Variants in MAGI1 observed in about 807,000 individuals in gnomAD.
MAGI1 encodes the protein membrane associated guanylate kinase, WW and PDZ domain containing 1.
Under a neutral mutation model 139.9 loss-of-function variants are expected in MAGI1, and 58 were observed. That is an observed-to-expected ratio of 0.41 (90% CI 0.34 to 0.52). MAGI1 has a LOEUF of 0.52. MAGI1 is among the 20% of genes least tolerant of loss of function. The pLI, the probability that MAGI1 is intolerant of heterozygous loss-of-function variation, is 0.12. For missense variants in MAGI1, 1,874 were observed against 1,901.6 expected (o/e 0.99, Z 0.27); for synonymous variants, 812 against 737.9 (o/e 1.10, Z -1.63).
intron 1 of MAGI1, among the ~76,000 whole-genome samples, chr3:65,834,374 A>G (rs1393904133): frequency 6.6e-6 from 1 of 152,364 alleles, no homozygotes; most frequent in Admixed American, 6.5e-5. Context: ...GAAATAGCTC[A>G]GGAAGTCCAA....
chr3:65,372,637 A>G (rs902616880), intron 18 of MAGI1, among the ~76,000 whole-genome samples: 25 of 152,232 alleles, frequency 1.6e-4, no homozygotes, highest in African/African-American at 5.3e-4. Context: ...TTCTTTCAAT[A>G]GAAGACTGTT....
intron 2 of MAGI1, among the ~76,000 whole-genome samples, chr3:65,538,248 T>C (rs1534087): frequency 0.38 from 58,082 of 152,116 alleles, 11,860 homozygotes; most frequent in East Asian, 0.69. Flanking sequence ...GAAGACAGCA[T>C]TATTGGGAAC....
chr3:65,651,526 T>G (rs1486357652), intron 1 of MAGI1, among the ~76,000 whole-genome samples: 1 of 152,122 alleles, frequency 6.6e-6, no homozygotes, highest in African/African-American at 2.4e-5. Context: ...TCCCTGTATA[T>G]TGCGGCATGT....
At chr3:65,384,710 G>C (rs1943308502) in intron 14 of MAGI1, among the ~76,000 whole-genome samples, 1 of 152,104 alleles carries the variant, frequency 6.6e-6, no homozygotes, top group Non-Finnish European at 1.5e-5. Context: ...TCCAGCCTGG[G>C]TGACAGAGTA....
intron 10 of MAGI1, among the ~76,000 whole-genome samples, chr3:65,433,138 T>C (rs1355483803): frequency 1.3e-5 from 2 of 152,188 alleles, no homozygotes; most frequent in East Asian, 3.9e-4. Flanking sequence ...GAATATTGTC[T>C]GGTACATTTT....
At chr3:65,894,668 C>G (rs2060899777) in intron 1 of MAGI1, among the ~76,000 whole-genome samples, 1 of 152,340 alleles carries the variant, frequency 6.6e-6, no homozygotes, top group South Asian at 2.1e-4. Flanking sequence ...CCACCTAGGA[C>G]AGTGGTGCAA....
intron 1 of MAGI1, among the ~76,000 whole-genome samples, chr3:65,738,411 A>C (rs2107768689): frequency 6.6e-6 from 1 of 152,278 alleles, no homozygotes. Flanking sequence ...TCCTGGCCTC[A>C]AGTGATCCTC....
intron 1 of MAGI1, among the ~76,000 whole-genome samples, chr3:65,848,185 G>T (rs1218715210): frequency 6.6e-6 from 1 of 152,200 alleles, no homozygotes; most frequent in Non-Finnish European, 1.5e-5. Context: ...TCTCTGTTTG[G>T]TTTACTGGAA....
chr3:65,806,579 T>G (rs2040868767), intron 1 of MAGI1, among the ~76,000 whole-genome samples: 1 of 152,242 alleles, frequency 6.6e-6, no homozygotes, highest in South Asian at 2.1e-4. Context: ...ATAACTGCGT[T>G]GGAATCTCGG....
At chr3:66,027,735 T>C (rs1006222328) in intron 1 of MAGI1, among the ~76,000 whole-genome samples, 1 of 152,210 alleles carries the variant, frequency 6.6e-6, no homozygotes, top group African/African-American at 2.4e-5. Context: ...GTATCAAGCA[T>C]GGAGTCATGC....
At chr3:65,982,299 C>G (rs1456487560) in intron 1 of MAGI1, among the ~76,000 whole-genome samples, 4 of 152,216 alleles carry the variant, frequency 2.6e-5, no homozygotes, top group Non-Finnish European at 5.9e-5. Context: ...CTCTGCTTAT[C>G]TCTTGGCCGA....
At chr3:65,934,558 T>C (rs2062957092) in intron 1 of MAGI1, among the ~76,000 whole-genome samples, 1 of 152,178 alleles carries the variant, frequency 6.6e-6, no homozygotes, top group African/African-American at 2.4e-5. Flanking sequence ...AGCAAGTGAT[T>C]TAACAGGACT....
At chr3:65,446,166 CAAG>C (rs751934890) in intron 7 of MAGI1, among the ~76,000 whole-genome samples, 2 of 152,078 alleles carry the variant, frequency 1.3e-5, no homozygotes, top group Non-Finnish European at 2.9e-5. Flanking sequence ...CTGAAAAATC[CAAG>C]AAGAGGGAAT....
chr3:65,525,134 C>G (rs907158990), intron 2 of MAGI1, among the ~76,000 whole-genome samples: 2 of 152,154 alleles, frequency 1.3e-5, no homozygotes, highest in African/African-American at 4.8e-5. Flanking sequence ...TCTCATCTCC[C>G]TATAATGCAC....
intron 13 of MAGI1, among the ~76,000 whole-genome samples, chr3:65,394,059 T>C (rs1944172629): frequency 6.6e-6 from 1 of 152,166 alleles, no homozygotes; most frequent in African/African-American, 2.4e-5. Flanking sequence ...TACATGCATG[T>C]GCAGAGATTC....
At chr3:65,644,009 C>T (rs1576581043) in intron 1 of MAGI1, among the ~76,000 whole-genome samples, 1 of 152,188 alleles carries the variant, frequency 6.6e-6, no homozygotes, top group African/African-American at 2.4e-5. Flanking sequence ...TTTGGAGACC[C>T]CAGAGGAATT....
chr3:65,469,683 A>G (rs1026811205), intron 5 of MAGI1: 10 of 151,936 alleles, frequency 6.6e-5, no homozygotes, highest in African/African-American at 2.4e-4. Flanking sequence ...CCTAGCTACT[A>G]CAGCAAAAGC....
At chr3:65,771,249 G>C (rs1212646791) in intron 1 of MAGI1, among the ~76,000 whole-genome samples, 1 of 151,788 alleles carries the variant, frequency 6.6e-6, no homozygotes, top group Non-Finnish European at 1.5e-5. Flanking sequence ...AGAGGTTGCA[G>C]TGAGCCGAGA....
At chr3:65,514,263 C>T (rs1162013542) in intron 2 of MAGI1, among the ~76,000 whole-genome samples, 5 of 145,386 alleles carry the variant, frequency 3.4e-5, no homozygotes, top group Non-Finnish European at 6.0e-5. Flanking sequence ...GACTTCATGT[C>T]CAAAACACCA....
Sources: gnomAD v4.1 joint callset for allele counts (sites outside exome capture counted in the v4.1 genomes callset) on GRCh38, gnomAD v4.1.1 for gene constraint, MANE v1.5 for transcripts, NCBI Gene and HGNC (gene_info 2026-07-23, HGNC 2026-07-21) for gene names.